Variants in AUTS2 observed in about 807,000 individuals in gnomAD.
AUTS2 encodes autism susceptibility gene 2 protein.
A neutral mutation model predicts 112.4 loss-of-function variants in AUTS2; 17 were observed. The observed-to-expected ratio is 0.15, with a 90% CI of 0.10 to 0.23. AUTS2 has a LOEUF of 0.23. Ranked by LOEUF, AUTS2 falls within the 10% of genes least tolerant of loss-of-function variation. The pLI is 1.00. For missense variants in AUTS2, 1,510 were observed against 1,701.6 expected (o/e 0.89, Z 1.98); for synonymous variants, 751 against 702.7 (o/e 1.07, Z -1.09).
chr7:70,206,422 A>G (rs1810578245), intron 4 of AUTS2, among the ~76,000 whole-genome samples: 1 of 152,026 alleles, frequency 6.6e-6, no homozygotes, highest in African/African-American at 2.4e-5. Flanking sequence ...TTCCTTCCAT[A>G]AGTATAGATA....
intron 4 of AUTS2, among the ~76,000 whole-genome samples, chr7:70,194,121 T>A (rs936855722): frequency 6.6e-6 from 1 of 152,198 alleles, no homozygotes; most frequent in Non-Finnish European, 1.5e-5. Flanking sequence ...GCATAACGTT[T>A]GGCCAGGGTT....
At chr7:69,779,039 CTT>C (rs71529992) in intron 1 of AUTS2, among the ~76,000 whole-genome samples, 20,768 of 101,364 alleles carry the variant, frequency 0.2, 1,949 homozygotes, top group Admixed American at 0.24. Flanking sequence ...AGTTGTGAGC[CTT>C]TTTTTTTTTA....
chr7:70,585,967 A>G (rs1219635333), intron 5 of AUTS2, among the ~76,000 whole-genome samples: 2 of 152,026 alleles, frequency 1.3e-5, no homozygotes, highest in South Asian at 2.1e-4. Flanking sequence ...GGTTCAAGCT[A>G]TTCTCCTGCC....
At chr7:69,836,005 G>T (rs1397115849) in intron 1 of AUTS2, among the ~76,000 whole-genome samples, 3 of 152,136 alleles carry the variant, frequency 2.0e-5, no homozygotes, top group African/African-American at 7.2e-5. Context: ...CATAGCTGAT[G>T]GAGGGACTCA....
At chr7:70,216,836 A>T (rs1811191428) in intron 4 of AUTS2, among the ~76,000 whole-genome samples, 1 of 152,136 alleles carries the variant, frequency 6.6e-6, no homozygotes. Context: ...TCCTAAATAA[A>T]CTTCTCATTG....
At chr7:70,586,107 C>T (rs1410415106) in intron 5 of AUTS2, among the ~76,000 whole-genome samples, 1 of 152,154 alleles carries the variant, frequency 6.6e-6, no homozygotes, top group Non-Finnish European at 1.5e-5. Context: ...AAGTGATCCT[C>T]CTGCCTCAGC....
At chr7:70,345,665 G>T (rs10486874) in intron 4 of AUTS2, among the ~76,000 whole-genome samples, 44,115 of 151,954 alleles carry the variant, frequency 0.29, 6,715 homozygotes, top group African/African-American at 0.38. Flanking sequence ...AGTAAGCTTA[G>T]CTCCATATTT....
At position 69,721,156 on chromosome 7, in the gene AUTS2, C is replaced by T. The variant is rs73438125; in HGVS notation, c.309+121194C>T. On this transcript the variant is annotated intron_variant, in intron 1 of 18. Coordinates refer to ENST00000342771, the MANE Select transcript of AUTS2 (RefSeq NM_015570.4). ...TTTGAGCAGGGTGTTGCTTATGATGCTCCATGCAGTTTTGCCTCCCACAAT... is the reference window on the plus strand; with the variant it reads ...TTTGAGCAGGGTGTTGCTTATGATGTTCCATGCAGTTTTGCCTCCCACAAT... 2.0e-3 allele frequency among the ~76,000 whole-genome samples: 306 copies of T among 152,256 alleles called. 1 individual carries two copies. Among genetic ancestry groups the T allele is most frequent in the African/African-American group, 7.0e-3 (291 of 41,542 alleles).
rs189945503 is a variant in AUTS2, at chr7:70,126,985, C to G, written c.625-7551C>G. On this transcript the variant is annotated intron_variant, in intron 3 of 18. Transcript: ENST00000342771. ...GAGATTACAGGCATACACCACCACG[C>G]CTGGCTAATTTTTGAATTTTTAGTA... Among the ~76,000 whole-genome samples, 750 of 152,144 alleles carry G rather than the reference C, an allele frequency of 4.9e-3. 9 individuals carry two copies. Among genetic ancestry groups the G allele is most frequent in the African/African-American group, 0.017 (708 of 41,492 alleles).
chr7:70,267,234 A>G (rs1787472854), intron 4 of AUTS2, among the ~76,000 whole-genome samples: 1 of 151,610 alleles, frequency 6.6e-6, no homozygotes, highest in African/African-American at 2.4e-5. Context: ...GTGCATGGAA[A>G]TGGCATTTCC....
chr7:70,377,773 C>CTTTT (rs1200007177), intron 4 of AUTS2, among the ~76,000 whole-genome samples: 3 of 137,518 alleles, frequency 2.2e-5, no homozygotes, highest in Non-Finnish European at 3.2e-5. Context: ...ATAATGTCTT[C>CTTTT]TTTTTTTTTT....
intron 2 of AUTS2, among the ~76,000 whole-genome samples, chr7:70,045,618 T>C (rs1801466111): frequency 6.6e-6 from 1 of 151,268 alleles, no homozygotes; most frequent in Admixed American, 6.6e-5. Context: ...TTTTATTTTA[T>C]TTATTTTCAA....
chr7:69,895,745 A>G (rs1794718417), intron 1 of AUTS2, among the ~76,000 whole-genome samples: 2 of 152,200 alleles, frequency 1.3e-5, no homozygotes, highest in African/African-American at 2.4e-5. Context: ...AAATTATAGC[A>G]TACTCTCATA....
chr7:70,634,503 G>A (rs73704574), intron 5 of AUTS2, among the ~76,000 whole-genome samples: 2,323 of 152,284 alleles, frequency 0.015, 58 homozygotes, highest in African/African-American at 0.052. Context: ...TAAGCTGCAC[G>A]GGCTGGACCT....
rs553047924 is a variant in AUTS2, at chr7:70,220,597, T to A, written c.660+86026T>A. On this transcript the variant is annotated intron_variant, in intron 4 of 18. Transcript: ENST00000342771. ...AGAGAGGGAAGTCACTTCAGCTGAT[T>A]TAGGTGATCTGCTAAGTAAGACATG... 5.9e-5 allele frequency among the ~76,000 whole-genome samples: 9 copies of A among 152,276 alleles called. No homozygotes were observed. In the South Asian group the frequency reaches 1.9e-3, roughly 32 times the overall value.
rs144930948 is a variant in AUTS2, at chr7:70,238,223, C to T, written c.660+103652C>T. Among the ~76,000 whole-genome samples, 61 of 152,262 alleles carry T rather than the reference C, an allele frequency of 4.0e-4. 1 individual carries two copies. The highest frequency in any genetic ancestry group is 1.3e-3 in the African/African-American group (52 of 41,566). ...CTGCTTGCTGTCTTCTTAAAAATCT[C>T]GACCTAAACTGAAAATGGAATGTAG... On this transcript the variant is annotated intron_variant, in intron 4 of 18. Transcript: ENST00000342771.
At chr7:70,541,654 C>G (rs535685079) in intron 5 of AUTS2, among the ~76,000 whole-genome samples, 1 of 152,320 alleles carries the variant, frequency 6.6e-6, no homozygotes, top group Non-Finnish European at 1.5e-5. Context: ...GGGGATACAG[C>G]AGGAAATCAG....
chr7:70,460,022 G>A (rs1239082208), intron 5 of AUTS2, among the ~76,000 whole-genome samples: 8 of 152,230 alleles, frequency 5.3e-5, no homozygotes, highest in Middle Eastern at 3.4e-3. Context: ...CCCAATAGAC[G>A]TTACTTCATT....
At chr7:69,723,952 TG>T (rs1786371040) in intron 1 of AUTS2, among the ~76,000 whole-genome samples, 2 of 152,184 alleles carry the variant, frequency 1.3e-5, no homozygotes, top group African/African-American at 4.8e-5. Context: ...GACAGACATC[TG>T]CAGCACAGTG....
Sources: gnomAD v4.1 joint callset for allele counts (sites outside exome capture counted in the v4.1 genomes callset) on GRCh38, gnomAD v4.1.1 for gene constraint, MANE v1.5 for transcripts, NCBI Gene and HGNC (gene_info 2026-07-23, HGNC 2026-07-21) for gene names.